Variants in OLFM3 observed in about 807,000 individuals in gnomAD.
OLFM3 encodes the protein noelin-3.
In OLFM3, 20 loss-of-function variants were observed where a neutral mutation model predicts 48.6. The observed-to-expected ratio is 0.41, with a 90% CI of 0.29 to 0.60. OLFM3 has a LOEUF of 0.60. Among genes scored for constraint, OLFM3 ranks in the 20% least tolerant of loss-of-function variants. The probability of loss-of-function intolerance (pLI) is 0.28; values close to 1 mark genes in which losing one functional copy is unlikely to be tolerated. For missense variants in OLFM3, 437 were observed against 544.3 expected, an observed-to-expected ratio of 0.80 and a Z score of 1.96; for synonymous variants, 222 against 198.1, an observed-to-expected ratio of 1.12 and a Z score of -1.01.
At chr1:101,825,484 A>AATATATCCTT in intron 3 of OLFM3, among the ~76,000 whole-genome samples, 2 of 152,206 alleles carry the variant, frequency 1.3e-5, no homozygotes, top group Non-Finnish European at 2.9e-5. Context: ...TTCTATAACA[A>AATATATCCTT]ATATATCCTT....
chr1:101,943,019 G>A lies in OLFM3; in HGVS notation c.69+53729C>T, dbSNP rs565858587. Among the ~76,000 whole-genome samples, 106 of 152,206 alleles carry A rather than the reference G, an allele frequency of 7.0e-4. 1 individual carries two copies. The highest frequency in any genetic ancestry group is 3.1e-3 in the Admixed American group (48 of 15,296). Reference sequence around the variant, plus strand: ...AGGACTAACAAAACTCAGCTTTCTCGTCTCCTGTCTGCTAACAGGATAATG... The same window carrying A: ...AGGACTAACAAAACTCAGCTTTCTCATCTCCTGTCTGCTAACAGGATAATG... On this transcript the variant is annotated intron_variant, in intron 1 of 5. Transcript: ENST00000370103.
intron 1 of OLFM3, among the ~76,000 whole-genome samples, chr1:101,977,531 G>A (rs1028966831): frequency 6.6e-6 from 1 of 151,984 alleles, no homozygotes; most frequent in African/African-American, 2.4e-5. Flanking sequence ...GAACTGGGAG[G>A]GACACTAAGG....
intron 4 of OLFM3, among the ~76,000 whole-genome samples, chr1:101,810,205 T>C (rs1328246518): frequency 6.6e-6 from 1 of 151,924 alleles, no homozygotes; most frequent in Non-Finnish European, 1.5e-5. Context: ...AGGGTTGAAC[T>C]GTGAATAGTC....
chr1:101,807,365 T>C (rs867048785), intron 4 of OLFM3, among the ~76,000 whole-genome samples: 21 of 151,910 alleles, frequency 1.4e-4, no homozygotes, highest in Non-Finnish European at 2.5e-4. Context: ...CTTCTATTTC[T>C]TTTCTTAAAA....
intron 1 of OLFM3, among the ~76,000 whole-genome samples, chr1:101,967,616 G>GAAAAAAAAAAAAA (rs1660653331): frequency 2.7e-5 from 2 of 73,406 alleles, no homozygotes; most frequent in African/African-American, 1.1e-4. Context: ...AAAAAAAAAG[G>GAAAAAAAAAAAAA]AATAACTGGA....
At chr1:101,940,539 C>A (rs1659759720) in intron 1 of OLFM3, among the ~76,000 whole-genome samples, 2 of 151,522 alleles carry the variant, frequency 1.3e-5, no homozygotes, top group South Asian at 4.2e-4. Flanking sequence ...GTCTATCTAT[C>A]TATGTATCTA....
intron 1 of OLFM3, among the ~76,000 whole-genome samples, chr1:101,940,697 G>A (rs1659766258): frequency 6.8e-6 from 1 of 147,282 alleles, no homozygotes; most frequent in African/African-American, 2.5e-5. Context: ...TATATATCCA[G>A]TTTTATATAT....
intron 1 of OLFM3, among the ~76,000 whole-genome samples, chr1:101,909,784 G>C (rs1049070003): frequency 2.0e-5 from 3 of 152,044 alleles, no homozygotes; most frequent in African/African-American, 7.3e-5. Context: ...TTGAGTGTAG[G>C]CTGGCAGGTT....
chr1:101,857,721 T>A (rs1656482191), intron 1 of OLFM3, among the ~76,000 whole-genome samples: 2 of 151,920 alleles, frequency 1.3e-5, no homozygotes, highest in Admixed American at 1.3e-4. Context: ...TTTCTTCTCT[T>A]TCACTTTCAC....
At chr1:101,846,852 T>G in intron 1 of OLFM3, 1 of 1,611,728 alleles carries the variant, frequency 6.2e-7, no homozygotes, top group Non-Finnish European at 8.5e-7. Context: ...TACTAAGGTA[T>G]CCGGAGTCGA....
At chr1:101,949,840 G>T (rs1180138509) in intron 1 of OLFM3, among the ~76,000 whole-genome samples, 1 of 150,396 alleles carries the variant, frequency 6.6e-6, no homozygotes, top group East Asian at 2.0e-4. Flanking sequence ...TGAGGCACGA[G>T]AATGGCGTAA....
At chr1:101,952,619 A>G (rs1660177439) in intron 1 of OLFM3, among the ~76,000 whole-genome samples, 1 of 152,120 alleles carries the variant, frequency 6.6e-6, no homozygotes, top group Non-Finnish European at 1.5e-5. Flanking sequence ...AACATATCCA[A>G]GACAAAATCT....
At chr1:101,973,808 T>C (rs183751986) in intron 1 of OLFM3, among the ~76,000 whole-genome samples, 2 of 152,158 alleles carry the variant, frequency 1.3e-5, no homozygotes, top group East Asian at 3.9e-4. Context: ...AGAGATGAGG[T>C]CACAGACTGA....
chr1:101,910,302 T>C (rs913743713), intron 1 of OLFM3: 3 of 182,824 alleles, frequency 1.6e-5, no homozygotes, highest in African/African-American at 7.2e-5. Context: ...CCGTCTCCAC[T>C]AAAAATACAA....
chr1:101,831,087 C>T (rs966720046), intron 2 of OLFM3, among the ~76,000 whole-genome samples: 9 of 152,148 alleles, frequency 5.9e-5, no homozygotes, highest in Non-Finnish European at 1.3e-4. Flanking sequence ...GGGCTTAATA[C>T]ATTAGAAAAA....
At position 101,804,541 on chromosome 1, in the gene OLFM3, G is replaced by A. The variant is rs139403729; in HGVS notation, c.1074C>T (p.Thr358=). Residue 358 remains threonine, a synonymous_variant, in exon 6 of 6, where the codon ACC becomes ACT. Coordinates refer to ENST00000370103, the MANE Select transcript of OLFM3 (RefSeq NM_058170.4). The surrounding 1 kb of genome is among the most constrained non-coding windows in gnomAD (Gnocchi z 4.5). Reference sequence around the variant, plus strand: ...TGCTCCAGCTCTTCATCACCTCCAAGGTATCTTGGTTAAGTTGGCTGATGA... The same window carrying A: ...TGCTCCAGCTCTTCATCACCTCCAAAGTATCTTGGTTAAGTTGGCTGATGA... The part of the protein sequence containing the change: ...NIVISQLNQD[T]LEVMKSWSTG... 3.5e-5 allele frequency: 57 copies of A among 1,612,502 alleles called. No individual in the cohort carries two copies. The highest frequency in any genetic ancestry group is 4.7e-5 in the Non-Finnish European group (55 of 1,179,158).
At position 101,803,263 on chromosome 1, in the gene OLFM3, A is replaced by G. The variant is rs982823197; in HGVS notation, c.*975T>C. 2 of 152,132 alleles carry G rather than the reference A, an allele frequency of 1.3e-5. No homozygotes were observed. The highest frequency in any genetic ancestry group is 4.8e-5 in the African/African-American group (2 of 41,384). 9.4% of individuals were successfully genotyped at this position (152,132 alleles called of 1,614,324 possible). A position where few individuals can be genotyped will look rare whatever the true frequency, so the allele number is the denominator to read the frequency against. Reference sequence around the variant, plus strand: ...TGTAAAATATAAATTAAATGCTAGTACATTTAACTATGAAGAACAAAATTT... The same window carrying G: ...TGTAAAATATAAATTAAATGCTAGTGCATTTAACTATGAAGAACAAAATTT... On this transcript the variant is annotated 3_prime_UTR_variant, in exon 6 of 6. Coordinates refer to ENST00000370103, the MANE Select transcript of OLFM3 (RefSeq NM_058170.4).
chr1:101,948,255 T>A (rs1660018537), intron 1 of OLFM3, among the ~76,000 whole-genome samples: 1 of 152,192 alleles, frequency 6.6e-6, no homozygotes, highest in Admixed American at 6.5e-5. Flanking sequence ...ATTGTTCAAA[T>A]CCTGTCAGCC....
chr1:101,855,997 G>A (rs1467855584), intron 1 of OLFM3, among the ~76,000 whole-genome samples: 1 of 151,818 alleles, frequency 6.6e-6, no homozygotes, highest in Non-Finnish European at 1.5e-5. Flanking sequence ...CCAAAAATCT[G>A]GTGGTAGTAA....
Sources: allele counts gnomAD v4.1 joint callset (sites outside exome capture counted in the v4.1 genomes callset), GRCh38; gene constraint gnomAD v4.1.1; non-coding constraint Gnocchi (gnomAD v3.1); transcripts MANE v1.5; gene names NCBI Gene and HGNC (gene_info 2026-07-23, HGNC 2026-07-21).